Variants in TMEM87B observed in about 807,000 individuals in gnomAD.
TMEM87B encodes the protein transmembrane protein 87B.
Under a neutral mutation model 80.3 loss-of-function variants are expected in TMEM87B, and 83 were observed. The ratio of observed to expected loss-of-function variants is 1.03; its 90% CI spans 0.87 to 1.24. TMEM87B has a LOEUF of 1.24. Ranked by LOEUF, TMEM87B falls within the 50% of genes most tolerant of loss-of-function variation. TMEM87B has a pLI of 0.00. For missense variants in TMEM87B, 625 were observed against 674.4 expected (o/e 0.93, Z 0.81); for synonymous variants, 219 against 230.5 (o/e 0.95, Z 0.45).
chr2:112,064,686 G>A (rs2104456869), intron 3 of TMEM87B, among the ~76,000 whole-genome samples: 1 of 152,338 alleles, frequency 6.6e-6, no homozygotes, highest in South Asian at 2.1e-4. Context: ...TTCTGAGAGA[G>A]AAGGAGAAAG....
intron 17 of TMEM87B, among the ~76,000 whole-genome samples, chr2:112,109,116 G>T (rs1279436090): frequency 6.6e-6 from 1 of 152,142 alleles, no homozygotes; most frequent in Non-Finnish European, 1.5e-5. Flanking sequence ...TGTCTTGTTG[G>T]GGGACTAGTG....
chr2:112,095,476 A>G, intron 11 of TMEM87B: 1 of 974,476 alleles, frequency 1.0e-6, no homozygotes, highest in Non-Finnish European at 1.2e-6. Flanking sequence ...TTAGCTTAAA[A>G]ACATTTTTTT....
intron 16 of TMEM87B, among the ~76,000 whole-genome samples, chr2:112,106,536 T>C (rs995374033): frequency 1.3e-5 from 2 of 152,190 alleles, no homozygotes; most frequent in Non-Finnish European, 2.9e-5. Flanking sequence ...AAGAACTTTA[T>C]GTGTTACCTA....
chr2:112,092,674 AGC>A (rs995629597), intron 11 of TMEM87B, among the ~76,000 whole-genome samples: 13 of 152,150 alleles, frequency 8.5e-5, no homozygotes, highest in African/African-American at 3.1e-4. Context: ...GGTGGAAGAG[AGC>A]AGGTTCAGAG....
chr2:112,086,090 C>T lies in TMEM87B; in HGVS notation c.924C>T (p.Gly308=). The part of the protein sequence containing the change: ...ARLLVIIVSL[G]YGIVKPRLGT... The stretch of plus-strand genomic sequence containing the variant: ...TTCTCGTGATCATTGTGAGCCTGGG[C>T]TATGGCATTGTGAAGTAAGTACTGG... Residue 308 remains glycine (G), a synonymous_variant, in exon 9 of 19, where the codon GGC becomes GGT. Transcript: ENST00000283206. The T allele has an allele frequency of 6.2e-7, 1 of 1,614,118 alleles. No individual in the cohort carries two copies. Among genetic ancestry groups the T allele is most frequent in the Non-Finnish European group, 8.5e-7 (1 of 1,179,982 alleles).
At chr2:112,057,040 A>G (rs1212581549) in intron 1 of TMEM87B, among the ~76,000 whole-genome samples, 2 of 152,214 alleles carry the variant, frequency 1.3e-5, no homozygotes, top group Non-Finnish European at 2.9e-5. Context: ...CATACCTGCA[A>G]AGATCTTTGC....
chr2:112,057,064 TCCTG>T (rs1411438576), intron 1 of TMEM87B, among the ~76,000 whole-genome samples: 1 of 152,230 alleles, frequency 6.6e-6, no homozygotes, highest in Non-Finnish European at 1.5e-5. Context: ...GTGTACTTCT[TCCTG>T]CATGAGGAAG....
At chr2:112,107,976 GC>G in intron 17 of TMEM87B, 136 bp downstream of exon 17, 2 of 448,906 alleles carry the variant, frequency 4.5e-6, no homozygotes, top group East Asian at 6.9e-5. Flanking sequence ...CCAGTACATG[GC>G]CCTTACAGAA....
chr2:112,086,579 A>G (rs573980094), intron 9 of TMEM87B, among the ~76,000 whole-genome samples: 55 of 152,230 alleles, frequency 3.6e-4, no homozygotes, highest in African/African-American at 1.3e-3. Context: ...GGGCATAACT[A>G]TGGGAGAACT....
In TMEM87B at chr2:112,055,697, A is replaced by C. The variant is rs762310705; in HGVS notation, c.106A>C (p.Thr36Pro). The stretch of plus-strand genomic sequence containing the variant: ...CGTCGCCCTCTGCCTCCTGTGCTGG[A>C]CCCCGGCGGCTGTGCGCGCGGTCCC... ...LRVALCLLCWTPAAVRAVPEL... is the reference protein window; with the variant it reads ...LRVALCLLCWPPAAVRAVPEL... The change falls in exon 1 of 19, where the codon ACC becomes CCC. Residue 36 changes from threonine (T) to proline (P), a missense_variant. By Grantham distance (38) the Thr-to-Pro change is conservative. Coordinates refer to ENST00000283206, the MANE Select transcript of TMEM87B (RefSeq NM_032824.3). 1 of 1,556,064 alleles carries C rather than the reference A, an allele frequency of 6.4e-7. No homozygotes were observed. The highest frequency in any genetic ancestry group is 2.0e-5 in the Admixed American group (1 of 50,236).
At chr2:112,082,972 C>G (rs1232432509) in intron 8 of TMEM87B, among the ~76,000 whole-genome samples, 1 of 152,144 alleles carries the variant, frequency 6.6e-6, no homozygotes, top group Non-Finnish European at 1.5e-5. Flanking sequence ...CAGGGTCTTT[C>G]AGGAGTCCCG....
chr2:112,058,116 C>T (rs1386707699), intron 1 of TMEM87B, among the ~76,000 whole-genome samples: 2 of 152,176 alleles, frequency 1.3e-5, no homozygotes, highest in African/African-American at 4.8e-5. Flanking sequence ...CGTGAGCCAC[C>T]GCACTCGGCC....
intron 17 of TMEM87B, among the ~76,000 whole-genome samples, chr2:112,111,464 C>T (rs10864898): frequency 0.6 from 91,731 of 152,036 alleles, 29,082 homozygotes; most frequent in East Asian, 0.87. Flanking sequence ...ATATAGAAGA[C>T]TGAACTTCTT....
At chr2:112,109,664 C>CTTT (rs561752709) in intron 17 of TMEM87B, among the ~76,000 whole-genome samples, 647 of 46,336 alleles carry the variant, frequency 0.014, 50 homozygotes, top group African/African-American at 0.022. Context: ...TAAGTATGGT[C>CTTT]TTTTTTTTTT....
intron 2 of TMEM87B, among the ~76,000 whole-genome samples, chr2:112,060,936 T>A (rs1490044243): frequency 6.6e-6 from 1 of 152,206 alleles, no homozygotes; most frequent in Non-Finnish European, 1.5e-5. Context: ...AAAAAATTTG[T>A]TTTTTGTGAA....
intron 17 of TMEM87B, 37 bp from the exon 18 acceptor site, chr2:112,112,862 T>C: frequency 8.7e-6 from 14 of 1,606,608 alleles, no homozygotes; most frequent in Non-Finnish European, 1.2e-5. Flanking sequence ...GCCTTACTGT[T>C]AACAACATTA....
intron 17 of TMEM87B, among the ~76,000 whole-genome samples, 180 bp downstream of exon 17, chr2:112,108,020 T>C (rs1055407329): frequency 2.0e-5 from 3 of 152,208 alleles, no homozygotes; most frequent in Admixed American, 6.5e-5. Context: ...GCTTGTTTTG[T>C]TTTTCACGAT....
Position 112,100,636 on chromosome 2 carries a change from C to T in TMEM87B, c.1391C>T (p.Pro464Leu). ...SANNQRYAFM[P>L]LIDDSDDEIE... ...TTTTGCTATAGATATGCCTTCATGC[C>T]CTTAATAGATGATTCTGATGATGAA... Residue 464 changes from proline (P) to leucine (L), a missense_variant, in exon 15 of 19, where the codon CCC (proline) becomes CTC (leucine). By Grantham distance (98) the Pro-to-Leu change is moderately conservative. Transcript: ENST00000283206. 1 of 1,608,848 alleles carries T rather than the reference C, an allele frequency of 6.2e-7. No homozygotes were observed. Among genetic ancestry groups the T allele is most frequent in the Non-Finnish European group, 8.5e-7 (1 of 1,176,732 alleles).
In TMEM87B at chr2:112,055,670, C is replaced by T. The variant is rs1263011745; in HGVS notation, c.79C>T (p.Arg27Cys). ...CTTTCCCGCCCGGGCCCCGCTGCTGCGCGTCGCCCTCTGCCTCCTGTGCTG... is the reference window on the plus strand; with the variant it reads ...CTTTCCCGCCCGGGCCCCGCTGCTGTGCGTCGCCCTCTGCCTCCTGTGCTG... Reference protein sequence around the residue: ...RCFPARAPLLRVALCLLCWTP... With the variant: ...RCFPARAPLLCVALCLLCWTP... Residue 27 changes from arginine (R) to cysteine (C), a missense_variant, in exon 1 of 19, where the codon CGC becomes TGC. Transcript: ENST00000283206. 3 of 1,584,668 alleles carry T rather than the reference C, an allele frequency of 1.9e-6. No individual in the cohort carries two copies. Among genetic ancestry groups the T allele is most frequent in the Middle Eastern group, 1.8e-4 (1 of 5,558 alleles).
Sources: gnomAD v4.1 joint callset for allele counts (sites outside exome capture counted in the v4.1 genomes callset) on GRCh38, gnomAD v4.1.1 for gene constraint, MANE v1.5 for transcripts, NCBI Gene and HGNC (gene_info 2026-07-23, HGNC 2026-07-21) for gene names.